The following PTPRT variants were observed in gnomAD, a reference collection of about 807,000 sequenced individuals.
PTPRT encodes receptor-type tyrosine-protein phosphatase T.
In PTPRT, 56 loss-of-function variants were observed where a neutral mutation model predicts 176.8. The ratio of observed to expected loss-of-function variants is 0.32; its 90% CI spans 0.26 to 0.40. PTPRT has a LOEUF of 0.40. PTPRT is among the 10% of genes least tolerant of loss of function. The pLI, the probability that PTPRT is intolerant of heterozygous loss-of-function variation, is 1.00. For synonymous variants in PTPRT, 783 were observed against 739.0 expected (o/e 1.06, Z -0.96); for missense variants, 1,540 against 1,908.2 (o/e 0.81, Z 3.60).
intron 11 of PTPRT, among the ~76,000 whole-genome samples, chr20:42,345,446 A>G (rs1390028370): frequency 6.7e-6 from 1 of 148,626 alleles, no homozygotes. Context: ...AAAACTAGTT[A>G]CTATAGATAT....
downstream of PTPRT, among the ~76,000 whole-genome samples, chr20:42,072,300 C>T (rs751663891): frequency 1.3e-5 from 2 of 152,192 alleles, no homozygotes; most frequent in Non-Finnish European, 2.9e-5. Context: ...ATTAGCTGAG[C>T]TCAGCTTAGA....
chr20:42,840,195 G>A (rs1475199033), intron 2 of PTPRT, among the ~76,000 whole-genome samples: 1 of 146,148 alleles, frequency 6.8e-6, no homozygotes, highest in African/African-American at 2.5e-5. Context: ...GTTTACAGCT[G>A]CGTGACCCCC....
chr20:42,355,904 A>G (rs2058351838), intron 9 of PTPRT, among the ~76,000 whole-genome samples: 1 of 152,228 alleles, frequency 6.6e-6, no homozygotes, highest in Non-Finnish European at 1.5e-5. Context: ...TCAATATAAT[A>G]TACCGCGCTC....
At chr20:42,623,127 C>T (rs750011022) in intron 7 of PTPRT, among the ~76,000 whole-genome samples, 5 of 152,220 alleles carry the variant, frequency 3.3e-5, no homozygotes, top group Non-Finnish European at 7.3e-5. Context: ...AAAAGACCCC[C>T]ACATTCACTC....
chr20:42,176,319 GC>G (rs1300842056), intron 16 of PTPRT, among the ~76,000 whole-genome samples: 2 of 152,006 alleles, frequency 1.3e-5, no homozygotes, highest in Non-Finnish European at 2.9e-5. Flanking sequence ...AGTTCCATTT[GC>G]CTTGGTGAGT....
At chr20:42,641,877 TC>T (rs772262844) in intron 7 of PTPRT, among the ~76,000 whole-genome samples, 13 of 152,268 alleles carry the variant, frequency 8.5e-5, no homozygotes, top group Non-Finnish European at 1.6e-4. Context: ...CAGTCCCAGC[TC>T]TATCTTGACT....
intron 16 of PTPRT, among the ~76,000 whole-genome samples, chr20:42,193,492 T>C (rs538500682): frequency 2.0e-5 from 3 of 152,248 alleles, no homozygotes; most frequent in Non-Finnish European, 2.9e-5. Context: ...GAAGGAACAC[T>C]GATTTAGGAG....
At chr20:42,166,210 C>A (rs923109948) in intron 16 of PTPRT, among the ~76,000 whole-genome samples, 1 of 152,060 alleles carries the variant, frequency 6.6e-6, no homozygotes, top group Non-Finnish European at 1.5e-5. Context: ...TAATTTAGAG[C>A]TGGAGTAAAT....
intron 2 of PTPRT, among the ~76,000 whole-genome samples, chr20:42,880,326 G>C (rs572946447): frequency 2.6e-5 from 4 of 152,168 alleles, no homozygotes; most frequent in African/African-American, 9.7e-5. Context: ...TCAGCTCCCT[G>C]GGGACTGAGG....
chr20:42,425,606 A>G (rs181065836), intron 9 of PTPRT, among the ~76,000 whole-genome samples: 1 of 152,220 alleles, frequency 6.6e-6, no homozygotes, highest in Admixed American at 6.5e-5. Flanking sequence ...TTGCTAAGAG[A>G]GCTTATTTTA....
intron 17 of PTPRT, among the ~76,000 whole-genome samples, chr20:42,159,120 T>C (rs1361746721): frequency 1.3e-5 from 2 of 151,576 alleles, no homozygotes; most frequent in African/African-American, 4.8e-5. Flanking sequence ...TTTTTTTTGG[T>C]AAGCCACATA....
At chr20:42,040,965 G>A in the PTPRT span, among the ~76,000 whole-genome samples, 2 of 152,196 alleles carry the variant, frequency 1.3e-5, no homozygotes, top group Non-Finnish European at 2.9e-5. Context: ...TTTTCTGTCT[G>A]ACACTAGAGG....
At chr20:43,044,043 C>T (rs1369584417) in intron 1 of PTPRT, among the ~76,000 whole-genome samples, 1 of 152,036 alleles carries the variant, frequency 6.6e-6, no homozygotes. Flanking sequence ...GAAGTGTCTG[C>T]GAGATGGCAT....
intron 2 of PTPRT, among the ~76,000 whole-genome samples, chr20:42,849,223 G>A (rs978965738): frequency 1.3e-5 from 2 of 152,168 alleles, no homozygotes; most frequent in Admixed American, 6.6e-5. Context: ...CTTTCTGACA[G>A]CCAAGGGGTA....
At chr20:42,469,287 T>C (rs996216672) in intron 8 of PTPRT, among the ~76,000 whole-genome samples, 1 of 152,174 alleles carries the variant, frequency 6.6e-6, no homozygotes, top group African/African-American at 2.4e-5. Flanking sequence ...CACTGCAACC[T>C]CCGCCTCCCA....
chr20:42,457,989 GC>G (rs2070953049), intron 8 of PTPRT, among the ~76,000 whole-genome samples: 1 of 152,050 alleles, frequency 6.6e-6, no homozygotes, highest in Non-Finnish European at 1.5e-5. Flanking sequence ...CAGCTCCAAC[GC>G]CCACTCCTGT....
chr20:42,060,810 A>C, the PTPRT span, among the ~76,000 whole-genome samples: 1 of 152,208 alleles, frequency 6.6e-6, no homozygotes, highest in South Asian at 2.1e-4. Flanking sequence ...CTGTTTCAAC[A>C]TCCCCAAATC....
intron 2 of PTPRT, among the ~76,000 whole-genome samples, chr20:42,864,741 C>A (rs943464014): frequency 6.6e-6 from 1 of 152,136 alleles, no homozygotes; most frequent in Non-Finnish European, 1.5e-5. Flanking sequence ...GAATCAAAGA[C>A]CAAGGTTATC....
intron 7 of PTPRT, among the ~76,000 whole-genome samples, chr20:42,481,022 T>G (rs1457179922): frequency 6.7e-6 from 1 of 148,258 alleles, no homozygotes; most frequent in African/African-American, 2.5e-5. Context: ...CAGAAGTAGG[T>G]GAGCTTTTTT....
Sources: gnomAD v4.1 joint callset for allele counts (sites outside exome capture counted in the v4.1 genomes callset) on GRCh38, gnomAD v4.1.1 for gene constraint, MANE v1.5 for transcripts, NCBI Gene and HGNC (gene_info 2026-07-23, HGNC 2026-07-21) for gene names.